The following FBXW11 variants were observed in gnomAD, a reference collection of about 807,000 sequenced individuals.
FBXW11 encodes the protein F-box/WD repeat-containing protein 11.
In FBXW11, 19 loss-of-function variants were observed where a neutral mutation model predicts 77.6. That is an observed-to-expected ratio of 0.24 (90% CI 0.17 to 0.36). The LOEUF (loss-of-function observed/expected upper bound fraction) is 0.36, where lower values mean the gene tolerates loss of function less well. FBXW11 is among the 10% of genes least tolerant of loss of function. The probability of loss-of-function intolerance (pLI) is 1.00; values close to 1 mark genes in which losing one functional copy is unlikely to be tolerated. For missense variants in FBXW11, 334 were observed against 704.2 expected, an observed-to-expected ratio of 0.47 and a Z score of 5.95; for synonymous variants, 235 against 249.4, an observed-to-expected ratio of 0.94 and a Z score of 0.54.
intron 1 of FBXW11, among the ~76,000 whole-genome samples, chr5:171,979,911 C>T (rs1765052978): frequency 6.6e-6 from 1 of 152,152 alleles, no homozygotes; most frequent in Non-Finnish European, 1.5e-5. Context: ...GGAACAGGAC[C>T]TCACATTTTG....
At chr5:171,967,911 CACACACACAT>C (rs1764308459) in intron 1 of FBXW11, among the ~76,000 whole-genome samples, 2 of 148,600 alleles carry the variant, frequency 1.3e-5, no homozygotes, top group African/African-American at 5.1e-5. Context: ...CACACACACA[CACACACACAT>C]ATAAATCTGG....
intron 4 of FBXW11, among the ~76,000 whole-genome samples, chr5:171,909,690 T>A (rs912319425): frequency 6.6e-6 from 1 of 150,840 alleles, no homozygotes; most frequent in Non-Finnish European, 1.5e-5. Context: ...ACCAGATGTG[T>A]GTGTGTGTGT....
intron 1 of FBXW11, among the ~76,000 whole-genome samples, chr5:171,983,179 C>T (rs1581073036): frequency 6.6e-6 from 1 of 152,052 alleles, no homozygotes; most frequent in African/African-American, 2.4e-5. Flanking sequence ...CAGAGCAAGA[C>T]CGTCTCAAAA....
intron 1 of FBXW11, among the ~76,000 whole-genome samples, chr5:171,961,496 C>T (rs1235069063): frequency 1.4e-4 from 21 of 152,140 alleles, no homozygotes; most frequent in Admixed American, 1.3e-3. Flanking sequence ...AAGTCTGTAC[C>T]CGCTAGCCAA....
rs1759940084 is a variant in FBXW11 at position 171,899,068 on chromosome 5, G to T, written c.650C>A (p.Pro217His). The T allele has an allele frequency of 6.2e-7, 1 of 1,608,934 alleles. No individual in the cohort carries two copies. The highest frequency in any genetic ancestry group is 8.5e-7 in the Non-Finnish European group (1 of 1,178,038). The change falls in exon 6 of 14, where the codon CCC becomes CAC. Residue 217 changes from proline (P) to histidine (H), a missense_variant. This residue lies in a region of FBXW11 where 19 missense variants were observed against 16.0 expected (regional missense o/e 1.19). Coordinates refer to ENST00000517395, the MANE Select transcript of FBXW11 (RefSeq NM_001378974.1). ...AAATGAATTTGGAGGGCCATCTGTG[G>T]GTCTGTTTTTAAACAGGTACTGATC... ...GWDQYLFKNR[P>H]TDGPPNSFYR...
intron 2 of FBXW11, among the ~76,000 whole-genome samples, chr5:171,952,697 A>T (rs1202015651): frequency 1.1e-4 from 16 of 150,260 alleles, no homozygotes; most frequent in Non-Finnish European, 2.2e-4. Flanking sequence ...TGATCCGCCC[A>T]CCTCGGCCTC....
chr5:171,880,264 T>C (rs1758411311), intron 7 of FBXW11, among the ~76,000 whole-genome samples: 1 of 152,264 alleles, frequency 6.6e-6, no homozygotes, highest in Non-Finnish European at 1.5e-5. Flanking sequence ...TATGAAGGTA[T>C]ATATTTCTGG....
chr5:171,883,028 C>T (rs1369412262), intron 7 of FBXW11, among the ~76,000 whole-genome samples: 1 of 151,834 alleles, frequency 6.6e-6, no homozygotes, highest in East Asian at 1.9e-4. Context: ...ACAGTGAGAA[C>T]ATATGATGTT....
chr5:172,006,408 C>A, intron 1 of FBXW11, 50 bp downstream of exon 1: 1 of 1,488,806 alleles, frequency 6.7e-7, no homozygotes. Flanking sequence ...GGCAGGCCCG[C>A]CCGGGGCCGG....
At chr5:171,929,839 G>A (rs781078610) in intron 2 of FBXW11, among the ~76,000 whole-genome samples, 2 of 152,148 alleles carry the variant, frequency 1.3e-5, no homozygotes, top group Non-Finnish European at 2.9e-5. Flanking sequence ...GCGAGAGAGC[G>A]AGACTCTGTC....
At chr5:171,920,416 T>TAA (rs34512244) in intron 2 of FBXW11, among the ~76,000 whole-genome samples, 1,793 of 130,640 alleles carry the variant, frequency 0.014, 23 homozygotes, top group Admixed American at 0.018. Context: ...CACCGCTATT[T>TAA]AAAAAAAAAA....
At chr5:171,888,824 A>G (rs1282146248) in intron 7 of FBXW11, among the ~76,000 whole-genome samples, 4 of 152,210 alleles carry the variant, frequency 2.6e-5, no homozygotes, top group African/African-American at 9.6e-5. Flanking sequence ...GGTAAATAAA[A>G]AAGAGAGAAT....
In FBXW11 at chr5:171,876,206, T is replaced by A. The variant is rs1286133121; in HGVS notation, c.1221+79A>T. On this transcript the variant is annotated intron_variant, in intron 9 of 13. Transcript: ENST00000517395. The surrounding 1 kb of genome is among the most constrained non-coding windows in gnomAD (Gnocchi z 4.2). ...AATAAAGATCTTGCCAGGTACCAGG[T>A]TGGTATAAGCCACCTCTGCTTTGTC... The A allele has an allele frequency of 6.5e-7, 1 of 1,541,194 alleles. No individual in the cohort carries two copies. The highest frequency in any genetic ancestry group is 1.7e-5 in the Admixed American group (1 of 58,558).
intron 7 of FBXW11, among the ~76,000 whole-genome samples, chr5:171,880,278 C>G (rs995292589): frequency 5.9e-5 from 9 of 152,318 alleles, no homozygotes; most frequent in African/African-American, 1.9e-4. Context: ...TTTCTGGGCT[C>G]TCTATTCTGT....
chr5:171,942,718 C>T (rs1297159980), intron 2 of FBXW11, among the ~76,000 whole-genome samples: 2 of 152,170 alleles, frequency 1.3e-5, no homozygotes, highest in East Asian at 1.9e-4. Flanking sequence ...AGGACGATCA[C>T]CTGAGCCCAG....
chr5:171,865,720 G>GA (rs1333236917), intron 13 of FBXW11, among the ~76,000 whole-genome samples: 2 of 150,602 alleles, frequency 1.3e-5, no homozygotes, highest in South Asian at 2.2e-4. Context: ...CTTGTAGTAA[G>GA]AAAAAACAAT....
intron 1 of FBXW11, among the ~76,000 whole-genome samples, chr5:171,999,728 T>G (rs531078390): frequency 6.6e-6 from 1 of 152,318 alleles, no homozygotes; most frequent in East Asian, 1.9e-4. Flanking sequence ...TCTTTCTTTT[T>G]CTTCTGTGGA....
chr5:171,905,589 A>ACC lies in FBXW11; in HGVS notation c.436+4981_436+4982dup, dbSNP rs748894864. On this transcript the variant is annotated intron_variant, in intron 4 of 13. Transcript: ENST00000517395. ...ACGCATCTCCTCCAGCAAAAAGCTA[A>ACC]CCCCCCCCCCTTTATTTTCTTGGTA... Among the ~76,000 whole-genome samples the ACC allele has an allele frequency of 4.9e-3, 544 of 111,162 alleles. 7 individuals carry two copies. Among genetic ancestry groups the ACC allele is most frequent in the African/African-American group, 0.016 (513 of 32,732 alleles). 72.9% of individuals were successfully genotyped at this position (111,162 alleles called of 152,430 possible).
rs1301312775 is a variant in FBXW11, at chr5:171,905,636, T to C, written c.436+4936A>G. Among the ~76,000 whole-genome samples, 6 of 126,852 alleles carry C rather than the reference T, an allele frequency of 4.7e-5. No individual in the cohort carries two copies. In the East Asian group the frequency reaches 1.8e-3, roughly 38 times the overall value. The allele number at this position is 126,852 out of a possible 152,430, so 83.2% of individuals were successfully genotyped here. On this transcript the variant is annotated intron_variant, in intron 4 of 13. Transcript: ENST00000517395. ...GGTATAAGTCTCATGGCCCCTTAAA[T>C]GTTTTGAGAAGAACAGGAATCACAC...
Sources: allele counts gnomAD v4.1 joint callset (sites outside exome capture counted in the v4.1 genomes callset), GRCh38; gene constraint gnomAD v4.1.1; regional missense constraint gnomAD v4.1.1; non-coding constraint Gnocchi (gnomAD v3.1); transcripts MANE v1.5; gene names NCBI Gene and HGNC (gene_info 2026-07-23, HGNC 2026-07-21).